Variants in TRIM23 observed in about 807,000 individuals in gnomAD.
TRIM23 encodes the protein E3 ubiquitin-protein ligase TRIM23.
TRIM23 carries 27 observed loss-of-function variants against 71.0 expected under a neutral mutation model. The ratio of observed to expected loss-of-function variants is 0.38; its 90% CI spans 0.28 to 0.52. TRIM23 has a LOEUF of 0.52. TRIM23 is among the 20% of genes least tolerant of loss of function. The pLI is 0.84. For missense variants in TRIM23, 482 were observed against 692.3 expected (o/e 0.70, Z 3.41); for synonymous variants, 234 against 238.0 (o/e 0.98, Z 0.16).
chr5:65,623,455 A>C (rs190888920), intron 1 of TRIM23, among the ~76,000 whole-genome samples: 1 of 152,340 alleles, frequency 6.6e-6, no homozygotes, highest in African/African-American at 2.4e-5. Context: ...CTTTCCGTGC[A>C]CAACAGTGGA....
At chr5:65,594,119 TTCTC>T (rs1754125052) in intron 10 of TRIM23, among the ~76,000 whole-genome samples, 1 of 152,216 alleles carries the variant, frequency 6.6e-6, no homozygotes, top group South Asian at 2.1e-4. Flanking sequence ...TGCTATTATC[TTCTC>T]TGTCTATAAT....
In TRIM23 at chr5:65,590,703, T is replaced by C. The variant is rs923796427; in HGVS notation, c.*1066A>G. Reference sequence around the variant, plus strand: ...TTTGAATTTTTTTTTTCTTTAGACATTTTTCCTCTAGAGTAACTTTTCAAG... The same window carrying C: ...TTTGAATTTTTTTTTTCTTTAGACACTTTTCCTCTAGAGTAACTTTTCAAG... On this transcript the variant is annotated 3_prime_UTR_variant, in exon 11 of 11. Transcript: ENST00000231524. 1 of 984,800 alleles carries C rather than the reference T, an allele frequency of 1.0e-6. No homozygotes were observed. The highest frequency in any genetic ancestry group is 1.7e-5 in the African/African-American group (1 of 57,246). The allele number at this position is 984,800 out of a possible 1,614,324, so 61.0% of individuals were successfully genotyped here.
intron 1 of TRIM23, among the ~76,000 whole-genome samples, chr5:65,623,134 T>C (rs1754992424): frequency 6.6e-6 from 1 of 152,224 alleles, no homozygotes; most frequent in African/African-American, 2.4e-5. Context: ...AATGTCTCAT[T>C]TGCTGTCATA....
chr5:65,590,681 GA>G lies in TRIM23; in HGVS notation c.*1087del. On this transcript the variant is annotated 3_prime_UTR_variant, in exon 11 of 11. Transcript: ENST00000231524. ...ACTGAATAATTAATGTAAACTTTTT[GA>G]ATTTTTTTTTTCTTTAGACATTTTT... is the stretch of plus-strand genomic sequence containing the variant. 1 of 982,422 alleles carries G rather than the reference GA, an allele frequency of 1.0e-6. No individual in the cohort carries two copies. The highest frequency in any genetic ancestry group is 1.2e-6 in the Non-Finnish European group (1 of 827,310). 60.9% of individuals were successfully genotyped at this position (982,422 alleles called of 1,614,324 possible).
Position 65,594,590 on chromosome 5 carries a change from G to T in TRIM23, c.1476C>A (p.Ser492Arg), listed in dbSNP as rs760511031. 1.2e-6 allele frequency: 2 copies of T among 1,611,668 alleles called. No individual in the cohort carries two copies. The highest frequency in any genetic ancestry group is 1.7e-6 in the Non-Finnish European group (2 of 1,179,118). Residue 492 changes from serine (S) to arginine (R), a missense_variant, in exon 10 of 11, where the codon AGC becomes AGA. Transcript: ENST00000231524. ...SHRDRISEAH[S>R]ELAKLLTEKE... ...TTTCCGTTAACAACTTTGCAAGTTC[G>T]CTGTGTGCTTCACTAATTCTGTCTC...
intron 6 of TRIM23, among the ~76,000 whole-genome samples, chr5:65,608,010 TAAA>T (rs570473077): frequency 1.1e-4 from 16 of 152,148 alleles, no homozygotes. Flanking sequence ...GAACTTAAAA[TAAA>T]AACTGTTAAC....
At chr5:65,624,166 G>A in intron 1 of TRIM23, 28 bp downstream of exon 1, 3 of 1,613,928 alleles carry the variant, frequency 1.9e-6, no homozygotes, top group Non-Finnish European at 8.5e-7. Flanking sequence ...GGCCGATGGT[G>A]GAGAATAGAG....
chr5:65,590,440 C>A lies in TRIM23; in HGVS notation c.*1329G>T. On this transcript the variant is annotated 3_prime_UTR_variant, in exon 11 of 11. Transcript: ENST00000231524. ...AAATAGATTTGAAAAGAATGAACCA[C>A]AACAGTGCTACCAAAAAGTCACATC... is the stretch of plus-strand genomic sequence containing the variant. The A allele has an allele frequency of 7.6e-7, 1 of 1,319,506 alleles. No individual in the cohort carries two copies. Among genetic ancestry groups the A allele is most frequent in the African/African-American group, 1.5e-5 (1 of 65,132 alleles). 81.7% of individuals were successfully genotyped at this position (1,319,506 alleles called of 1,614,324 possible).
chr5:65,609,075 T>C (rs1754581280), intron 6 of TRIM23, among the ~76,000 whole-genome samples, 168 bp downstream of exon 6: 1 of 152,216 alleles, frequency 6.6e-6, no homozygotes, highest in South Asian at 2.1e-4. Context: ...TGAACGACAC[T>C]GATAATTCCA....
intron 9 of TRIM23, among the ~76,000 whole-genome samples, chr5:65,595,134 G>A (rs943763179): frequency 6.6e-6 from 1 of 152,006 alleles, no homozygotes; most frequent in Non-Finnish European, 1.5e-5. Context: ...CATTTTTGTA[G>A]GGCACAGTGG....
chr5:65,592,196 T>C (rs768120700), intron 10 of TRIM23, among the ~76,000 whole-genome samples: 1 of 152,142 alleles, frequency 6.6e-6, no homozygotes, highest in Admixed American at 6.6e-5. Context: ...AATAAAGTCC[T>C]TGCAACCTAA....
At position 65,594,556 on chromosome 5, in the gene TRIM23, G is replaced by C; in HGVS notation, c.1510C>G (p.Arg504Gly). The C allele has an allele frequency of 6.2e-7, 1 of 1,612,148 alleles. No individual in the cohort carries two copies. The highest frequency in any genetic ancestry group is 8.5e-7 in the Non-Finnish European group (1 of 1,179,330). Reference protein sequence around the residue: ...LAKLLTEKELRDALLLIFANK... With the variant: ...LAKLLTEKELGDALLLIFANK... ...GCAAAAATCAGGAGCAGAGCATCTC[G>C]GAGTTCTTTTTCCGTTAACAACTTT... The change falls in exon 10 of 11, where the codon CGA becomes GGA. Residue 504 changes from arginine to glycine, a missense_variant. Arg to Gly is a moderately radical substitution (Grantham distance 125). Coordinates refer to ENST00000231524, the MANE Select transcript of TRIM23 (RefSeq NM_001656.4).
At chr5:65,609,536 C>G (rs897736925) in intron 5 of TRIM23, 78 bp from the exon 6 acceptor site, 13 of 1,434,146 alleles carry the variant, frequency 9.1e-6, no homozygotes, top group South Asian at 5.4e-5. Flanking sequence ...AAATTTCAGC[C>G]TAGGCAACAT....
intron 4 of TRIM23, 44 bp downstream of exon 4, chr5:65,611,559 A>C: frequency 6.3e-7 from 1 of 1,578,742 alleles, no homozygotes; most frequent in Non-Finnish European, 8.6e-7. Flanking sequence ...CTGAGCTGGT[A>C]AAGTAGCTAC....
intron 6 of TRIM23, among the ~76,000 whole-genome samples, chr5:65,605,653 A>G (rs1476450822): frequency 6.6e-6 from 1 of 152,222 alleles, no homozygotes; most frequent in Admixed American, 6.5e-5. Flanking sequence ...AAAATAAAGA[A>G]TACAGGTCCA....
chr5:65,624,199 C>T lies in TRIM23; in HGVS notation c.76G>A (p.Val26Met). 2 of 1,614,224 alleles carry T rather than the reference C, an allele frequency of 1.2e-6. No individual in the cohort carries two copies. The highest frequency in any genetic ancestry group is 1.7e-6 in the Non-Finnish European group (2 of 1,180,034). ...GAGCACGCAAGGTCCCTCACCTTCA[C>T]TACAGCTGTCCCCCGGCTGCCCTGC... ...GRQGSRGTAV[V>M]KVLECGVCED... The change falls in exon 1 of 11, where the codon GTG becomes ATG. Residue 26 changes from valine to methionine, a missense_variant. Physicochemically the swap from Val to Met is conservative, Grantham distance 21. This residue lies in a region of TRIM23 where 175 missense variants were observed against 196.5 expected (regional missense o/e 0.89). Coordinates refer to ENST00000231524, the MANE Select transcript of TRIM23 (RefSeq NM_001656.4).
Position 65,591,685 on chromosome 5 carries a change from T to C in TRIM23, c.*84A>G. On this transcript the variant is annotated 3_prime_UTR_variant, in exon 11 of 11. Coordinates refer to ENST00000231524, the MANE Select transcript of TRIM23 (RefSeq NM_001656.4). ...TATATATGCATCCTAAATTACCATC[T>C]TTTGAGATGTATAATTTCTTAAAAC... 1.6e-6 allele frequency: 2 copies of C among 1,264,882 alleles called. No homozygotes were observed. The highest frequency in any genetic ancestry group is 1.7e-5 in the African/African-American group (1 of 59,358). 78.4% of individuals were successfully genotyped at this position (1,264,882 alleles called of 1,614,324 possible). A position where few individuals can be genotyped will look rare whatever the true frequency, so the allele number is the denominator to read the frequency against.
intron 6 of TRIM23, 120 bp downstream of exon 6, chr5:65,609,122 TA>T: frequency 1.0e-6 from 1 of 985,422 alleles, no homozygotes; most frequent in Non-Finnish European, 1.5e-6. Context: ...GACCATTTCC[TA>T]AGCACAAAGT....
chr5:65,598,822 T>A lies in TRIM23; in HGVS notation c.1180-1642A>T, dbSNP rs114831403. Among the ~76,000 whole-genome samples the A allele has an allele frequency of 2.4e-3, 362 of 150,614 alleles. 2 individuals are homozygous for A. The highest frequency in any genetic ancestry group is 8.4e-3 in the African/African-American group (347 of 41,194). The stretch of plus-strand genomic sequence containing the variant: ...GGGCTTTATAACTGGAAGGCAAGAA[T>A]TATTCATCATCAATCAGCATAATAC... On this transcript the variant is annotated intron_variant, in intron 7 of 10. Coordinates refer to ENST00000231524, the MANE Select transcript of TRIM23 (RefSeq NM_001656.4).
Sources: gnomAD v4.1 joint callset for allele counts (sites outside exome capture counted in the v4.1 genomes callset) on GRCh38, gnomAD v4.1.1 for gene constraint, gnomAD v4.1.1 regional missense constraint, MANE v1.5 for transcripts, NCBI Gene and HGNC (gene_info 2026-07-23, HGNC 2026-07-21) for gene names.